Variants in CSNK1D observed in about 807,000 individuals in gnomAD.
CSNK1D encodes the protein casein kinase 1 delta, also known as casein kinase I isoform delta.
In CSNK1D, 16 loss-of-function variants were observed where a neutral mutation model predicts 46.6. The observed-to-expected ratio is 0.34, with a 90% CI of 0.23 to 0.52. The LOEUF is 0.52. Ranked by LOEUF, CSNK1D falls within the 20% of genes least tolerant of loss-of-function variation. The pLI, the probability that CSNK1D is intolerant of heterozygous loss-of-function variation, is 0.95. For synonymous variants in CSNK1D, 276 were observed against 228.2 expected (o/e 1.21, Z -1.89); for missense variants, 398 against 578.4 (o/e 0.69, Z 3.20).
In CSNK1D at chr17:82,261,425, T is replaced by C. The variant is rs1175226562; in HGVS notation, c.187+4261A>G. Among the ~76,000 whole-genome samples, 10 of 152,214 alleles carry C rather than the reference T, an allele frequency of 6.6e-5. No homozygotes were observed. The East Asian group carries it at 1.7e-3, about 26-fold the overall frequency. ...CATATGCGTGGGGATAAAAATCGGG[T>C]GGACAAGGCCAGATACATGAAGACA... On this transcript the variant is annotated intron_variant, in intron 2 of 8. Transcript: ENST00000314028.
At chr17:82,247,040 G>C (rs1349039388) in intron 8 of CSNK1D, 1 of 985,354 alleles carries the variant, frequency 1.0e-6, no homozygotes, top group Non-Finnish European at 1.2e-6. Context: ...GGTGACAAAG[G>C]AGGGGGCCCG....
chr17:82,240,178 C>G, downstream of CSNK1D: 1 of 817,192 alleles, frequency 1.2e-6, no homozygotes, highest in Non-Finnish European at 1.6e-6. Flanking sequence ...CCTGCAGCCT[C>G]AGGGCTGTGG....
chr17:82,239,713 T>C (rs1163206570), downstream of CSNK1D: 3 of 367,888 alleles, frequency 8.2e-6, no homozygotes, highest in Non-Finnish European at 1.5e-5. Context: ...TACGTGGTGG[T>C]TAGATGGGAG....
At chr17:82,241,236 T>C (rs1335847032), downstream of CSNK1D, among the ~76,000 whole-genome samples, 40 of 152,086 alleles carry the variant, frequency 2.6e-4, 1 homozygote, top group Non-Finnish European at 7.4e-5. Context: ...GGAACAGATG[T>C]GTGCAAGGCC....
At chr17:82,242,214 G>A (rs966621502), downstream of CSNK1D, among the ~76,000 whole-genome samples, 12 of 120,850 alleles carry the variant, frequency 9.9e-5, no homozygotes, top group African/African-American at 3.7e-4. Flanking sequence ...GTGTGCTCTG[G>A]GGGGGGGGGG....
intron 2 of CSNK1D, among the ~76,000 whole-genome samples, chr17:82,256,939 T>C (rs2051189251): frequency 6.6e-6 from 1 of 152,186 alleles, no homozygotes; most frequent in Admixed American, 6.5e-5. Flanking sequence ...ACTAGGGAAA[T>C]TCAATTCATT....
chr17:82,267,654 G>A (rs769866323), intron 1 of CSNK1D, among the ~76,000 whole-genome samples: 37 of 152,170 alleles, frequency 2.4e-4, no homozygotes, highest in Non-Finnish European at 1.8e-4. Flanking sequence ...TGACTTCATC[G>A]AAAAATGTAC....
intron 8 of CSNK1D, chr17:82,245,220 A>G: frequency 2.5e-6 from 1 of 393,578 alleles, no homozygotes; most frequent in Admixed American, 3.8e-5. Context: ...GAGTGTGCAC[A>G]GTGTGAAAAC....
chr17:82,243,686 T>C lies in CSNK1D; in HGVS notation c.*1095A>G. ...CCTGCCGGCTTTTCTGAGCTAGTCT[T>C]GGCACGTGGCAAGGACAGCCCCGCT... On this transcript the variant is annotated 3_prime_UTR_variant, in exon 9 of 9. Coordinates refer to ENST00000314028, the MANE Select transcript of CSNK1D (RefSeq NM_001893.6). The C allele has an allele frequency of 2.0e-6, 2 of 985,494 alleles. No homozygotes were observed. The highest frequency in any genetic ancestry group is 1.1e-4 in the East Asian group (1 of 8,818). The allele number at this position is 985,494 out of a possible 1,614,324, so 61.0% of individuals were successfully genotyped here.
intron 2 of CSNK1D, 140 bp downstream of exon 2, chr17:82,265,546 G>A (rs1188806917): frequency 4.2e-6 from 3 of 722,442 alleles, no homozygotes; most frequent in Non-Finnish European, 5.0e-6. Context: ...AGCTGTGACT[G>A]CTTTGTCAGG....
chr17:82,253,303 T>C (rs984766102), intron 3 of CSNK1D, 59 bp from the exon 4 acceptor site: 182 of 1,295,110 alleles, frequency 1.4e-4, no homozygotes, highest in Non-Finnish European at 2.0e-4. Context: ...GAGGGACCGC[T>C]CAACTGTGGG....
chr17:82,243,110 C>T lies in CSNK1D; in HGVS notation c.*1671G>A, dbSNP rs1221576088. The T allele has an allele frequency of 1.9e-5, 19 of 985,362 alleles. No homozygotes were observed. Among genetic ancestry groups the T allele is most frequent in the African/African-American group, 7.0e-5 (4 of 57,234 alleles). 61.0% of individuals were successfully genotyped at this position (985,362 alleles called of 1,614,324 possible). A position where few individuals can be genotyped will look rare whatever the true frequency, so the allele number is the denominator to read the frequency against. On this transcript the variant is annotated 3_prime_UTR_variant, in exon 9 of 9. Coordinates refer to ENST00000314028, the MANE Select transcript of CSNK1D (RefSeq NM_001893.6). ...CACAGCTCCCACCCGCTCAAGGCCC[C>T]GTACTCCAAAACGCTTACACAGTAA...
chr17:82,247,127 T>C, intron 8 of CSNK1D: 1 of 985,400 alleles, frequency 1.0e-6, no homozygotes, highest in Non-Finnish European at 1.2e-6. Context: ...CCAAGAGGCT[T>C]CTTTTGGAGA....
At chr17:82,264,161 C>G (rs2051409117) in intron 2 of CSNK1D, among the ~76,000 whole-genome samples, 4 of 152,218 alleles carry the variant, frequency 2.6e-5, no homozygotes, top group Admixed American at 2.0e-4. Context: ...GACAAAAGGG[C>G]TAACAGAGGC....
chr17:82,246,897 C>T (rs1287625607), intron 8 of CSNK1D: 20 of 985,630 alleles, frequency 2.0e-5, no homozygotes, highest in South Asian at 4.7e-5. Flanking sequence ...ACAGGTGAGG[C>T]GCTCAGAGCA....
chr17:82,270,433 C>T (rs558900674), intron 1 of CSNK1D, among the ~76,000 whole-genome samples: 1 of 152,310 alleles, frequency 6.6e-6, no homozygotes, highest in Admixed American at 6.5e-5. Context: ...GTGAACCCCA[C>T]CTGGAGGATA....
chr17:82,249,576 G>A lies in CSNK1D; in HGVS notation c.912C>T (p.Ala304=), dbSNP rs60906556. The change falls in exon 7 of 9, where the codon GCC becomes GCT. Residue 304 remains alanine (A), a synonymous_variant. Coordinates refer to ENST00000314028, the MANE Select transcript of CSNK1D (RefSeq NM_001893.6). The surrounding 1 kb of genome is among the most constrained non-coding windows in gnomAD (Gnocchi z 6.7). ...KFGASRAADD[A]ERERRDREER... ...CCTCTCGGTCCCTGCGCTCCCGCTC[G>A]GCGTCATCGGCGGCCCGGCTGGCAC... The A allele has an allele frequency of 1.9e-3, 2,895 of 1,558,370 alleles. 56 individuals carry two copies. The African/African-American group carries it at 0.034, about 18-fold the overall frequency.
rs1170580422 is a variant in CSNK1D at position 82,248,992 on chromosome 17, G to C, written c.1080C>G (p.Val360=). 2 of 1,566,876 alleles carry C rather than the reference G, an allele frequency of 1.3e-6. No homozygotes were observed. Among genetic ancestry groups the C allele is most frequent in the East Asian group, 4.8e-5 (2 of 42,002 alleles). Residue 360 remains valine (V), a synonymous_variant, in exon 8 of 9, where the codon GTC becomes GTG. Transcript: ENST00000314028. The surrounding 1 kb of genome is among the most constrained non-coding windows in gnomAD (Gnocchi z 4.1). ...SHTANTSPRP[V]SGMERERKVS... ...CTTTCCGCTCTCTCTCCATGCCGGA[G>C]ACGGGCCGGGGGGAGGTGTTAGCTG...
intron 2 of CSNK1D, chr17:82,265,281 C>T (rs112707997): frequency 9.6e-6 from 3 of 313,454 alleles, no homozygotes; most frequent in East Asian, 8.4e-5. Flanking sequence ...CAGACTCAGG[C>T]GATTCTCCTG....
Sources: gnomAD v4.1 joint callset for allele counts (sites outside exome capture counted in the v4.1 genomes callset) on GRCh38, gnomAD v4.1.1 for gene constraint, Gnocchi (gnomAD v3.1) non-coding constraint, MANE v1.5 for transcripts, NCBI Gene and HGNC (gene_info 2026-07-23, HGNC 2026-07-21) for gene names.